Variants in LHCGR observed in about 807,000 individuals in gnomAD.
The protein encoded by LHCGR is luteinizing hormone/choriogonadotropin receptor.
Under a neutral mutation model 60.7 loss-of-function variants are expected in LHCGR, and 55 were observed. The ratio of observed to expected loss-of-function variants is 0.91; its 90% confidence interval spans 0.73 to 1.13. LHCGR has a LOEUF of 1.13. LHCGR is among the 50% of genes most tolerant of loss of function. The probability of loss-of-function intolerance (pLI) is 0.00; values close to 1 mark genes in which losing one functional copy is unlikely to be tolerated. For synonymous variants in LHCGR, 337 were observed against 316.5 expected, an observed-to-expected ratio of 1.06 and a Z score of -0.69; for missense variants, 862 against 836.0, an observed-to-expected ratio of 1.03 and a Z score of -0.38.
At chr2:48,739,315 T>G (rs915169125) in intron 1 of LHCGR, among the ~76,000 whole-genome samples, 1 of 152,234 alleles carries the variant, frequency 6.6e-6, no homozygotes, top group African/African-American at 2.4e-5. Flanking sequence ...TTACTGGGTA[T>G]ATACCCAAAG....
At chr2:48,745,567 A>G (rs1260652999) in intron 1 of LHCGR, among the ~76,000 whole-genome samples, 1 of 152,154 alleles carries the variant, frequency 6.6e-6, no homozygotes, top group African/African-American at 2.4e-5. Context: ...GAAATTGGAA[A>G]TCATCATTCT....
intron 4 of LHCGR, 25 bp from the exon 5 acceptor site, chr2:48,723,721 T>G: frequency 1.3e-6 from 2 of 1,553,438 alleles, no homozygotes; most frequent in Non-Finnish European, 1.8e-6. Context: ...AGGATAGTGG[T>G]GTGGGCAGAG....
At chr2:48,735,968 G>A (rs1409822991) in intron 1 of LHCGR, among the ~76,000 whole-genome samples, 1 of 152,074 alleles carries the variant, frequency 6.6e-6, no homozygotes, top group African/African-American at 2.4e-5. Flanking sequence ...CATGAGATCT[G>A]GTTGTTTAAA....
In LHCGR at chr2:48,687,962, T is replaced by TA; in HGVS notation, c.1834dup (p.Tyr612LeufsTer17). The TA allele has an allele frequency of 6.2e-7, 1 of 1,614,078 alleles. No homozygotes were observed. Among genetic ancestry groups the TA allele is most frequent in the Non-Finnish European group, 8.5e-7 (1 of 1,180,002 alleles). On this transcript the variant is annotated frameshift_variant, in exon 11 of 11. Coordinates refer to ENST00000294954, the MANE Select transcript of LHCGR (RefSeq NM_000233.4). LOFTEE classifies it high-confidence loss of function. The stretch of plus-strand genomic sequence containing the variant: ...TGGATTGGCACAAGAATTGATGGGA[T>TA]AAAAAAGAACCAGTAAAACTTTAGA...
intron 1 of LHCGR, among the ~76,000 whole-genome samples, chr2:48,735,032 T>C (rs1003982224): frequency 6.6e-6 from 1 of 152,254 alleles, no homozygotes; most frequent in African/African-American, 2.4e-5. Context: ...GTTTTGAACT[T>C]TTGTTTTTAA....
At chr2:48,691,845 C>G in intron 10 of LHCGR, among the ~76,000 whole-genome samples, 1 of 88,378 alleles carries the variant, frequency 1.1e-5, no homozygotes, top group East Asian at 5.2e-4. Context: ...GATTCTGTCT[C>G]AAAAAAAAAA....
At position 48,755,699 on chromosome 2, in the gene LHCGR, G is replaced by A; in HGVS notation, c.-28C>T. The A allele has an allele frequency of 6.5e-7, 1 of 1,533,796 alleles. No individual in the cohort carries two copies. The highest frequency in any genetic ancestry group is 2.0e-5 in the Admixed American group (1 of 50,974). ...CCGGCGAACTGGGCTTCTGCGGCTT[G>A]CCAGTGTCTTGGACGGCCTCTGAGT... On this transcript the variant is annotated 5_prime_UTR_variant, in exon 1 of 11. Transcript: ENST00000294954.
intron 9 of LHCGR, among the ~76,000 whole-genome samples, chr2:48,695,387 G>A (rs1053204575): frequency 6.6e-6 from 1 of 152,114 alleles, no homozygotes; most frequent in Non-Finnish European, 1.5e-5. Flanking sequence ...GTCAAGAAGG[G>A]TATTTCCTAG....
intron 6 of LHCGR, among the ~76,000 whole-genome samples, chr2:48,718,230 A>C (rs1015637204): frequency 6.6e-6 from 1 of 152,186 alleles, no homozygotes; most frequent in Non-Finnish European, 1.5e-5. Flanking sequence ...AGCTGTACCT[A>C]ACTTTAAAGC....
At chr2:48,700,957 G>A (rs760264943) in intron 8 of LHCGR, among the ~76,000 whole-genome samples, 10 of 152,180 alleles carry the variant, frequency 6.6e-5, no homozygotes, top group Non-Finnish European at 1.0e-4. Context: ...CAGGACTTAC[G>A]AAGTAGACAG....
At chr2:48,714,629 T>C (rs1328860278) in intron 6 of LHCGR, among the ~76,000 whole-genome samples, 2 of 152,132 alleles carry the variant, frequency 1.3e-5, no homozygotes, top group Non-Finnish European at 2.9e-5. Context: ...AACCAGCATT[T>C]AAAAAATCTA....
At chr2:48,715,296 A>G (rs1367283433) in intron 6 of LHCGR, among the ~76,000 whole-genome samples, 3 of 152,234 alleles carry the variant, frequency 2.0e-5, no homozygotes, top group Non-Finnish European at 4.4e-5. Context: ...GTAAATATAT[A>G]TTAAATAAAT....
At chr2:48,723,781 A>G (rs1668602704) in intron 4 of LHCGR, 85 bp from the exon 5 acceptor site, 1 of 1,028,750 alleles carries the variant, frequency 9.7e-7, no homozygotes, top group Non-Finnish European at 1.5e-6. Context: ...AAGAGAGTAC[A>G]AAGGCATTTT....
chr2:48,735,191 C>T (rs1228228196), intron 1 of LHCGR, among the ~76,000 whole-genome samples: 1 of 152,208 alleles, frequency 6.6e-6, no homozygotes, highest in Non-Finnish European at 1.5e-5. Context: ...TGCAGGTCCC[C>T]AACCCTTCTA....
chr2:48,691,157 C>A (rs1385644376), intron 10 of LHCGR, among the ~76,000 whole-genome samples: 3 of 152,112 alleles, frequency 2.0e-5, no homozygotes, highest in African/African-American at 7.2e-5. Flanking sequence ...CATGAGGAGC[C>A]TTATGGTTCC....
intron 6 of LHCGR, among the ~76,000 whole-genome samples, chr2:48,714,281 C>T (rs921638784): frequency 2.0e-5 from 3 of 152,134 alleles, no homozygotes; most frequent in Non-Finnish European, 2.9e-5. Flanking sequence ...TCATCATTTC[C>T]ATTATACCGA....
At chr2:48,741,460 A>G (rs1312242172) in intron 1 of LHCGR, among the ~76,000 whole-genome samples, 1 of 152,166 alleles carries the variant, frequency 6.6e-6, no homozygotes, top group Non-Finnish European at 1.5e-5. Context: ...GGTTACCCTC[A>G]AAGGGAAGCC....
At chr2:48,707,087 C>G (rs557485167) in intron 8 of LHCGR, among the ~76,000 whole-genome samples, 1 of 152,228 alleles carries the variant, frequency 6.6e-6, no homozygotes, top group African/African-American at 2.4e-5. Flanking sequence ...GTATGGATGC[C>G]CTTTTTGTTG....
At chr2:48,712,634 C>T (rs182298938) in intron 7 of LHCGR, among the ~76,000 whole-genome samples, 4 of 152,072 alleles carry the variant, frequency 2.6e-5, no homozygotes, top group Non-Finnish European at 4.4e-5. Context: ...TGCAACTATG[C>T]TGTGCTAAGC....
Sources: allele counts gnomAD v4.1 joint callset (sites outside exome capture counted in the v4.1 genomes callset), GRCh38; gene constraint gnomAD v4.1.1; transcripts MANE v1.5; gene names NCBI Gene and HGNC (gene_info 2026-07-23, HGNC 2026-07-21).